Variants in AP2A2 observed in about 807,000 individuals in gnomAD.
AP2A2 encodes the protein adaptor related protein complex 2 subunit alpha 2.
A neutral mutation model predicts 104.2 loss-of-function variants in AP2A2; 32 were observed. The observed-to-expected ratio is 0.31, with a 90% CI of 0.23 to 0.41. The LOEUF is 0.41. Among genes scored for constraint, AP2A2 ranks in the 10% least tolerant of loss-of-function variants. AP2A2 has a pLI of 1.00. For synonymous variants in AP2A2, 539 were observed against 533.3 expected (o/e 1.01, Z -0.15); for missense variants, 912 against 1,261.0 (o/e 0.72, Z 4.19).
chr11:928,526 C>G (rs1389623286), intron 1 of AP2A2, among the ~76,000 whole-genome samples: 1 of 152,236 alleles, frequency 6.6e-6, no homozygotes, highest in Admixed American at 6.5e-5. Context: ...GCAGAGCTGA[C>G]ATTTGGGGCT....
chr11:999,582 A>G (rs958649525), intron 14 of AP2A2, among the ~76,000 whole-genome samples: 3 of 151,946 alleles, frequency 2.0e-5, no homozygotes, highest in Non-Finnish European at 2.9e-5. Flanking sequence ...TTCTGTCTCA[A>G]CCTTCCAAAG....
In AP2A2 at chr11:972,106, G is replaced by T. The variant is rs762607300; in HGVS notation, c.324G>T (p.Leu108=). ...ISVLVNSNSE[L]IRLINNAIKN... Reference sequence around the variant, plus strand: ...TGTTGGTGAACTCAAACAGTGAGCTGATCCGCCTGATCAACAACGCCATCA... The same window carrying T: ...TGTTGGTGAACTCAAACAGTGAGCTTATCCGCCTGATCAACAACGCCATCA... The change falls in exon 4 of 22, where the codon CTG becomes CTT. Residue 108 remains leucine (L), a synonymous_variant. Transcript: ENST00000448903. 1 of 1,613,824 alleles carries T rather than the reference G, an allele frequency of 6.2e-7. No individual in the cohort carries two copies. Among genetic ancestry groups the T allele is most frequent in the Non-Finnish European group, 8.5e-7 (1 of 1,179,830 alleles).
At chr11:963,684 G>A (rs1854516707) in intron 2 of AP2A2, among the ~76,000 whole-genome samples, 1 of 152,168 alleles carries the variant, frequency 6.6e-6, no homozygotes, top group Non-Finnish European at 1.5e-5. Context: ...GCTGCCCAGT[G>A]CAATCACAGC....
At chr11:1,000,720 G>T in intron 15 of AP2A2, 122 bp downstream of exon 15, 1 of 1,116,512 alleles carries the variant, frequency 9.0e-7, no homozygotes, top group Non-Finnish European at 1.2e-6. Context: ...ATTACTGCCT[G>T]GGGGAGAGAG....
At chr11:978,825 C>CTTG (rs1855141035) in intron 5 of AP2A2, among the ~76,000 whole-genome samples, 2 of 152,138 alleles carry the variant, frequency 1.3e-5, no homozygotes, top group African/African-American at 4.8e-5. Context: ...TGGAGTGGGA[C>CTTG]AGGAAGCGTG....
intron 1 of AP2A2, among the ~76,000 whole-genome samples, chr11:936,983 C>T (rs896919935): frequency 6.6e-6 from 1 of 152,004 alleles, no homozygotes. Flanking sequence ...GAGACTCTTC[C>T]CTCTGCTCCA....
intron 2 of AP2A2, among the ~76,000 whole-genome samples, chr11:962,682 G>A (rs1854481807): frequency 6.6e-6 from 1 of 151,952 alleles, no homozygotes; most frequent in Non-Finnish European, 1.5e-5. Flanking sequence ...GCAGTGAGCC[G>A]AGATCTCGCC....
At chr11:1,007,656 T>C in intron 17 of AP2A2, 1 of 327,658 alleles carries the variant, frequency 3.1e-6, no homozygotes, top group South Asian at 3.2e-5. Flanking sequence ...CTGCTATTCC[T>C]GGGATTCTTA....
rs543952287 is a variant in AP2A2, at chr11:1,011,025, G to A, written c.*400G>A. 14 of 669,182 alleles carry A rather than the reference G, an allele frequency of 2.1e-5. No individual in the cohort carries two copies. Among genetic ancestry groups the A allele is most frequent in the Middle Eastern group, 2.5e-4 (1 of 3,932 alleles). 41.5% of individuals were successfully genotyped at this position (669,182 alleles called of 1,614,324 possible). Reference sequence around the variant, plus strand: ...GAGCAGCAGTGCCACTGTGCATGGCGTGGGCTGAGCCTTGGTGTGTGGCCG... The same window carrying A: ...GAGCAGCAGTGCCACTGTGCATGGCATGGGCTGAGCCTTGGTGTGTGGCCG... On this transcript the variant is annotated 3_prime_UTR_variant, in exon 22 of 22. Transcript: ENST00000448903.
At chr11:976,255 C>T (rs1855034036) in intron 4 of AP2A2, among the ~76,000 whole-genome samples, 1 of 152,082 alleles carries the variant, frequency 6.6e-6, no homozygotes, top group African/African-American at 2.4e-5. Context: ...GCGTTGGCAC[C>T]CAGAAGGGGA....
At chr11:930,986 G>A (rs1388062829) in intron 1 of AP2A2, among the ~76,000 whole-genome samples, 5 of 152,142 alleles carry the variant, frequency 3.3e-5, no homozygotes, top group African/African-American at 1.2e-4. Context: ...TGTGTAACCG[G>A]TTCCCTACCT....
At chr11:974,682 CAAAAAAAA>C (rs747053947) in intron 4 of AP2A2, among the ~76,000 whole-genome samples, 1 of 49,630 alleles carries the variant, frequency 2.0e-5, no homozygotes, top group Admixed American at 2.5e-4. Context: ...GACTCTGTCT[CAAAAAAAA>C]AAAAAAAAAA....
At chr11:984,884 G>T (rs1855399383) in intron 7 of AP2A2, 131 bp downstream of exon 7, 1 of 796,900 alleles carries the variant, frequency 1.3e-6, no homozygotes, top group East Asian at 2.5e-5. Context: ...GGACCTTTCT[G>T]CCAGTGCTGC....
chr11:987,691 G>A (rs955175269), intron 9 of AP2A2, among the ~76,000 whole-genome samples: 2 of 152,002 alleles, frequency 1.3e-5, no homozygotes, highest in African/African-American at 4.8e-5. Flanking sequence ...GAAGAGCCCA[G>A]TTGAGGTTGG....
intron 17 of AP2A2, chr11:1,007,718 G>A: frequency 2.1e-6 from 1 of 473,776 alleles, no homozygotes; most frequent in Non-Finnish European, 3.8e-6. Flanking sequence ...GACAAAAATT[G>A]TGTGTGTAAG....
chr11:927,122 A>C (rs941774929), intron 1 of AP2A2, among the ~76,000 whole-genome samples: 1 of 152,096 alleles, frequency 6.6e-6, no homozygotes, highest in Non-Finnish European at 1.5e-5. Context: ...GCTGGAGCGC[A>C]GTAGTTCCAT....
chr11:992,386 A>C lies in AP2A2; in HGVS notation c.1270-117A>C. On this transcript the variant is annotated intron_variant, in intron 10 of 21. Coordinates refer to ENST00000448903, the MANE Select transcript of AP2A2 (RefSeq NM_012305.4). The surrounding 1 kb of genome is among the most constrained non-coding windows in gnomAD (Gnocchi z 6.4). ...AGTTCAAGCTTCCTCCATGTCCCAA[A>C]CTTTTGTAGACACATTGAGGTGCTT... 1 of 1,095,210 alleles carries C rather than the reference A, an allele frequency of 9.1e-7. No individual in the cohort carries two copies. Among genetic ancestry groups the C allele is most frequent in the Non-Finnish European group, 1.3e-6 (1 of 745,788 alleles). The allele number at this position is 1,095,210 out of a possible 1,614,324, so 67.8% of individuals were successfully genotyped here.
At chr11:949,647 T>G (rs10751673) in intron 1 of AP2A2, among the ~76,000 whole-genome samples, 1 of 151,578 alleles carries the variant, frequency 6.6e-6, no homozygotes, top group East Asian at 1.9e-4. Flanking sequence ...TGGTGGCATG[T>G]GCCTATAGTC....
chr11:1,005,813 A>G (rs1445738713), intron 16 of AP2A2, among the ~76,000 whole-genome samples: 2 of 152,200 alleles, frequency 1.3e-5, no homozygotes, highest in Non-Finnish European at 2.9e-5. Flanking sequence ...GGGCCGTGAT[A>G]GCTTCACGAG....
Sources: allele counts gnomAD v4.1 joint callset (sites outside exome capture counted in the v4.1 genomes callset), GRCh38; gene constraint gnomAD v4.1.1; non-coding constraint Gnocchi (gnomAD v3.1); transcripts MANE v1.5; gene names NCBI Gene and HGNC (gene_info 2026-07-23, HGNC 2026-07-21).